ZNF277: variants seen among roughly 807,000 people sequenced by gnomAD.
The protein encoded by ZNF277 is nuclear receptor-interacting factor 4.
In ZNF277, 55 loss-of-function variants were observed where a neutral mutation model predicts 60.7. That is an observed-to-expected ratio of 0.91 (90% CI 0.73 to 1.13). The LOEUF is 1.13. ZNF277 is among the 50% of genes most tolerant of loss of function. ZNF277 has a pLI of 0.00. For missense variants in ZNF277, 510 were observed against 523.0 expected (o/e 0.98, Z 0.24); for synonymous variants, 178 against 179.3 (o/e 0.99, Z 0.06).
In ZNF277 at chr7:112,330,157, C is replaced by T. The variant is rs201172958; in HGVS notation, c.742C>T (p.His248Tyr). The T allele has an allele frequency of 7.4e-6, 12 of 1,612,894 alleles. No individual in the cohort carries two copies. Among genetic ancestry groups the T allele is most frequent in the Non-Finnish European group, 1.0e-5 (12 of 1,179,522 alleles). ...TAAAGATCACATGAGGAAAAAACAG[C>T]ATCGTAAGATTAATCCTAAGAACAG... Reference protein sequence around the residue: ...TLKDHMRKKQHRKINPKNREY... With the variant: ...TLKDHMRKKQYRKINPKNREY... Residue 248 changes from histidine to tyrosine, a missense_variant, in exon 7 of 12, where the codon CAT becomes TAT. His to Tyr is a moderately conservative substitution (Grantham distance 83, BLOSUM62 2). Transcript: ENST00000361822.
chr7:112,278,150 C>T (rs1791854380), intron 1 of ZNF277, among the ~76,000 whole-genome samples: 1 of 151,956 alleles, frequency 6.6e-6, no homozygotes, highest in Admixed American at 6.6e-5. Flanking sequence ...TGTTTTCTCC[C>T]TTGTCTCTTA....
At chr7:112,329,730 G>T (rs974574887) in intron 6 of ZNF277, among the ~76,000 whole-genome samples, 1 of 152,096 alleles carries the variant, frequency 6.6e-6, no homozygotes, top group Non-Finnish European at 1.5e-5. Context: ...CATACAATGG[G>T]TGCAGTCAGT....
chr7:112,288,857 C>G (rs886865245), intron 2 of ZNF277: 1 of 148,394 alleles, frequency 6.7e-6, no homozygotes, highest in African/African-American at 2.5e-5. Flanking sequence ...CAGACAAGCT[C>G]TCAAGTCCAT....
intron 1 of ZNF277, among the ~76,000 whole-genome samples, chr7:112,225,962 T>C (rs541998585): frequency 2.0e-5 from 3 of 152,350 alleles, no homozygotes; most frequent in Non-Finnish European, 4.4e-5. Flanking sequence ...CTTAGGACTT[T>C]AGTGTGCTAA....
intron 1 of ZNF277, among the ~76,000 whole-genome samples, chr7:112,211,027 G>GTC (rs1280123484): frequency 6.6e-6 from 1 of 152,174 alleles, no homozygotes; most frequent in Non-Finnish European, 1.5e-5. Flanking sequence ...GTAATATTCT[G>GTC]TCAAAGTCAA....
intron 1 of ZNF277, among the ~76,000 whole-genome samples, chr7:112,228,724 T>C (rs1367632415): frequency 1.3e-5 from 2 of 152,166 alleles, no homozygotes; most frequent in Non-Finnish European, 2.9e-5. Context: ...TTCCTTTGCT[T>C]ATATAGTTGA....
intron 1 of ZNF277, among the ~76,000 whole-genome samples, chr7:112,278,822 A>C (rs971155504): frequency 6.6e-6 from 1 of 152,192 alleles, no homozygotes; most frequent in Non-Finnish European, 1.5e-5. Flanking sequence ...GTATATGTAC[A>C]TTATTGTACA....
chr7:112,228,411 A>G (rs929922429), intron 1 of ZNF277, among the ~76,000 whole-genome samples: 1 of 129,124 alleles, frequency 7.7e-6, no homozygotes, highest in African/African-American at 2.9e-5. Flanking sequence ...GCCAACAGGT[A>G]TGTGCACAGG....
At chr7:112,294,912 A>C (rs17569429) in intron 2 of ZNF277, among the ~76,000 whole-genome samples, 2,863 of 152,306 alleles carry the variant, frequency 0.019, 31 homozygotes, top group Middle Eastern at 0.058. Context: ...ATATATCCAA[A>C]ACATTCCTAG....
rs765281026 is a variant in ZNF277, at chr7:112,206,827, G to A, written c.91+20G>A. On this transcript the variant is annotated intron_variant, in intron 1 of 11. Transcript: ENST00000361822. ...ATGGGGGTGAGTACGGTGCCCCGGA[G>A]GCGCGGCTGATGTGTCTTCCTTTCT... The A allele has an allele frequency of 3.1e-6, 5 of 1,610,100 alleles. No homozygotes were observed. Among genetic ancestry groups the A allele is most frequent in the Middle Eastern group, 1.6e-4 (1 of 6,070 alleles).
intron 5 of ZNF277, among the ~76,000 whole-genome samples, chr7:112,321,966 G>T (rs1297280664): frequency 6.6e-6 from 1 of 151,782 alleles, no homozygotes; most frequent in Non-Finnish European, 1.5e-5. Flanking sequence ...TTATCTCTTG[G>T]TAAGAATCAA....
intron 1 of ZNF277, among the ~76,000 whole-genome samples, chr7:112,268,438 T>G (rs1172375827): frequency 6.6e-6 from 1 of 152,118 alleles, no homozygotes; most frequent in Non-Finnish European, 1.5e-5. Flanking sequence ...CTAATTAGTA[T>G]TATCTATATC....
intron 1 of ZNF277, among the ~76,000 whole-genome samples, chr7:112,282,252 G>T (rs2117054238): frequency 6.6e-6 from 1 of 152,372 alleles, no homozygotes; most frequent in African/African-American, 2.4e-5. Flanking sequence ...GGCATGGAGA[G>T]ATGGGGTGGG....
intron 1 of ZNF277, among the ~76,000 whole-genome samples, chr7:112,208,743 C>G (rs1184652311): frequency 1.5e-5 from 2 of 131,180 alleles, no homozygotes; most frequent in South Asian, 2.5e-4. Context: ...TGCAGTGGCG[C>G]GATCTCGGCT....
intron 1 of ZNF277, among the ~76,000 whole-genome samples, chr7:112,279,267 C>G (rs998955974): frequency 1.3e-5 from 2 of 152,084 alleles, no homozygotes; most frequent in Non-Finnish European, 2.9e-5. Flanking sequence ...TTTGAAGAAC[C>G]TCCGAATTGG....
At chr7:112,292,722 G>A (rs1235203266) in intron 2 of ZNF277, among the ~76,000 whole-genome samples, 1 of 152,024 alleles carries the variant, frequency 6.6e-6, no homozygotes, top group Non-Finnish European at 1.5e-5. Context: ...ATTGACCTTG[G>A]GCAAGTAAGG....
At chr7:112,254,616 G>A (rs1469253509) in intron 1 of ZNF277, among the ~76,000 whole-genome samples, 2 of 152,146 alleles carry the variant, frequency 1.3e-5, no homozygotes. Flanking sequence ...TGTCAGATTA[G>A]CTAATGAAAA....
intron 1 of ZNF277, among the ~76,000 whole-genome samples, chr7:112,223,883 C>T (rs1822101059): frequency 1.3e-5 from 2 of 152,194 alleles, no homozygotes; most frequent in South Asian, 4.1e-4. Flanking sequence ...AAGCAAAGAG[C>T]TCTGCCCTTG....
intron 1 of ZNF277, among the ~76,000 whole-genome samples, chr7:112,247,358 A>G (rs534442818): frequency 1.4e-4 from 22 of 152,344 alleles, no homozygotes; most frequent in Admixed American, 1.1e-3. Flanking sequence ...AAGTTCAAAC[A>G]TGATGGAATA....
Sources: gnomAD v4.1 joint callset for allele counts (sites outside exome capture counted in the v4.1 genomes callset) on GRCh38, gnomAD v4.1.1 for gene constraint, MANE v1.5 for transcripts, NCBI Gene and HGNC (gene_info 2026-07-23, HGNC 2026-07-21) for gene names.